Variants in EDIL3 observed in about 807,000 individuals in gnomAD.
EDIL3 encodes the protein EGF like and discoidin domains 3.
A neutral mutation model predicts 67.4 loss-of-function variants in EDIL3; 37 were observed. The observed-to-expected ratio is 0.55, with a 90% CI of 0.42 to 0.72. The LOEUF is 0.72. Ranked by LOEUF, EDIL3 falls within the 30% of genes least tolerant of loss-of-function variation. The pLI is 0.00. For missense variants in EDIL3, 527 were observed against 586.3 expected, an observed-to-expected ratio of 0.90 and a Z score of 1.04; for synonymous variants, 195 against 196.3, an observed-to-expected ratio of 0.99 and a Z score of 0.05.
chr5:84,004,180 G>A (rs560435373), intron 9 of EDIL3, among the ~76,000 whole-genome samples: 1 of 152,212 alleles, frequency 6.6e-6, no homozygotes, highest in South Asian at 2.1e-4. Context: ...AGTAAAACAA[G>A]TTCTTAGAGA....
At chr5:84,349,974 C>T (rs903216441) in intron 1 of EDIL3, among the ~76,000 whole-genome samples, 6 of 152,072 alleles carry the variant, frequency 3.9e-5, no homozygotes, top group African/African-American at 1.4e-4. Flanking sequence ...GTAGATACTA[C>T]TCTTTATTTA....
chr5:84,097,125 C>A (rs1747279113), intron 6 of EDIL3, among the ~76,000 whole-genome samples: 1 of 152,038 alleles, frequency 6.6e-6, no homozygotes, highest in Non-Finnish European at 1.5e-5. Context: ...ACCAAGTGAC[C>A]CATGGTTTCA....
chr5:84,254,442 A>G (rs1446601167), intron 1 of EDIL3, among the ~76,000 whole-genome samples: 2 of 152,184 alleles, frequency 1.3e-5, no homozygotes, highest in East Asian at 1.9e-4. Flanking sequence ...TCTGAAAGCT[A>G]TTGGTTCAGT....
At chr5:84,084,333 T>C (rs1747029800) in intron 6 of EDIL3, among the ~76,000 whole-genome samples, 2 of 152,268 alleles carry the variant, frequency 1.3e-5, no homozygotes, top group South Asian at 4.1e-4. Flanking sequence ...GAATAAATTA[T>C]TATAAATTGA....
chr5:84,080,115 C>CAAAAAAAAAAAAAAAAAAA, intron 6 of EDIL3, among the ~76,000 whole-genome samples: 1 of 52,954 alleles, frequency 1.9e-5, no homozygotes, highest in Non-Finnish European at 3.4e-5. Flanking sequence ...ACTAAAAATA[C>CAAAAAAAAAAAAAAAAAAA]AAAAAAAAAA....
intron 3 of EDIL3, among the ~76,000 whole-genome samples, chr5:84,216,085 T>C (rs1051748871): frequency 1.3e-5 from 2 of 152,160 alleles, no homozygotes; most frequent in Non-Finnish European, 2.9e-5. Context: ...AGTTTGGATA[T>C]ATTTTTTAAA....
chr5:84,325,257 T>C (rs1464872327), intron 1 of EDIL3, among the ~76,000 whole-genome samples: 1 of 151,862 alleles, frequency 6.6e-6, no homozygotes, highest in African/African-American at 2.4e-5. Flanking sequence ...GAATGTATAG[T>C]GAATTCTTAA....
intron 1 of EDIL3, among the ~76,000 whole-genome samples, chr5:84,346,563 T>C (rs1437560411): frequency 6.6e-6 from 1 of 152,196 alleles, no homozygotes; most frequent in Non-Finnish European, 1.5e-5. Context: ...ACAGTGTACA[T>C]TTTTAGTTTT....
chr5:84,261,124 T>C (rs1420591822), intron 1 of EDIL3, among the ~76,000 whole-genome samples: 1 of 152,186 alleles, frequency 6.6e-6, no homozygotes, highest in Non-Finnish European at 1.5e-5. Context: ...AGCGAGAGTT[T>C]TGAACCAATC....
At chr5:84,177,020 C>A (rs180915392) in intron 4 of EDIL3, among the ~76,000 whole-genome samples, 126 of 152,038 alleles carry the variant, frequency 8.3e-4, no homozygotes, top group Admixed American at 2.0e-3. Context: ...ATGTTGGAGA[C>A]CTTTTGAAGC....
At chr5:84,336,029 C>A (rs73144541) in intron 1 of EDIL3, among the ~76,000 whole-genome samples, 433 of 152,290 alleles carry the variant, frequency 2.8e-3, no homozygotes, top group African/African-American at 0.01. Context: ...GCTTTGCCAT[C>A]ATGACTAAGT....
At chr5:84,319,491 CAACAAAAAAAAA>C (rs1561255913) in intron 1 of EDIL3, among the ~76,000 whole-genome samples, 13 of 3,942 alleles carry the variant, frequency 3.3e-3, no homozygotes, top group Non-Finnish European at 5.6e-3. Context: ...AAACAAAAAA[CAACAAAAAAAAA>C]AAAAAAAAAA....
chr5:84,225,546 G>GA (rs969934219), intron 3 of EDIL3, among the ~76,000 whole-genome samples: 2 of 151,424 alleles, frequency 1.3e-5, no homozygotes, highest in African/African-American at 4.8e-5. Context: ...CCATTGTAAA[G>GA]AAAAAAATCC....
At chr5:84,098,649 T>C (rs1747308621) in intron 6 of EDIL3, among the ~76,000 whole-genome samples, 1 of 152,152 alleles carries the variant, frequency 6.6e-6, no homozygotes. Flanking sequence ...TTAAATAACC[T>C]ACTCCTGAAT....
At chr5:84,087,379 A>T (rs993887325) in intron 6 of EDIL3, among the ~76,000 whole-genome samples, 8 of 152,218 alleles carry the variant, frequency 5.3e-5, no homozygotes, top group Non-Finnish European at 1.0e-4. Context: ...AGAACCCAGG[A>T]TCACTGATCT....
At chr5:84,265,700 G>A (rs971254656) in intron 1 of EDIL3, among the ~76,000 whole-genome samples, 1 of 152,114 alleles carries the variant, frequency 6.6e-6, no homozygotes, top group Non-Finnish European at 1.5e-5. Context: ...CTTTGATAAG[G>A]CACCCCTCTG....
At chr5:83,994,991 T>G (rs931162663) in intron 9 of EDIL3, among the ~76,000 whole-genome samples, 1 of 152,182 alleles carries the variant, frequency 6.6e-6, no homozygotes, top group Non-Finnish European at 1.5e-5. Context: ...CATATGTGTG[T>G]AGTGTGTATA....
chr5:84,128,342 T>C (rs1747902870), intron 5 of EDIL3, among the ~76,000 whole-genome samples: 2 of 152,116 alleles, frequency 1.3e-5, no homozygotes, highest in Non-Finnish European at 1.5e-5. Context: ...AGCAGTGTGA[T>C]AAAAGCGGAA....
At chr5:84,075,971 ATATT>A (rs1457510826) in intron 6 of EDIL3, among the ~76,000 whole-genome samples, 2 of 147,664 alleles carry the variant, frequency 1.4e-5, no homozygotes, top group East Asian at 2.0e-4. Flanking sequence ...ATATATATAA[ATATT>A]TATCATATTA....
Sources: allele counts gnomAD v4.1 joint callset (sites outside exome capture counted in the v4.1 genomes callset), GRCh38; gene constraint gnomAD v4.1.1; transcripts MANE v1.5; gene names NCBI Gene and HGNC (gene_info 2026-07-23, HGNC 2026-07-21).